NDC80: variants seen among roughly 807,000 people sequenced by gnomAD.
The protein encoded by NDC80 is NDC80 kinetochore complex component.
NDC80 carries 69 observed loss-of-function variants against 89.3 expected under a neutral mutation model. The observed-to-expected ratio is 0.77, with a 90% CI of 0.64 to 0.94. NDC80 has a LOEUF of 0.94. NDC80 is among the 40% of genes least tolerant of loss of function. NDC80 has a pLI of 0.00. For missense variants in NDC80, 593 were observed against 739.6 expected (o/e 0.80, Z 2.30); for synonymous variants, 243 against 255.6 (o/e 0.95, Z 0.47).
chr18:2,585,314 A>G, intron 7 of NDC80, 112 bp downstream of exon 7: 1 of 770,468 alleles, frequency 1.3e-6, no homozygotes, highest in South Asian at 1.9e-5. Context: ...AACCGACTGT[A>G]AGGTGAAAAT....
intron 1 of NDC80, among the ~76,000 whole-genome samples, 170 bp downstream of exon 1, chr18:2,571,853 TC>T (rs1330040151): frequency 5.9e-5 from 9 of 152,036 alleles, no homozygotes; most frequent in African/African-American, 2.2e-4. Context: ...TTTCACGGGA[TC>T]TATTAAATTT....
chr18:2,607,564 A>T (rs1469365999), intron 14 of NDC80, among the ~76,000 whole-genome samples: 1 of 152,162 alleles, frequency 6.6e-6, no homozygotes, highest in East Asian at 1.9e-4. Context: ...AAACTTCACT[A>T]CTGAATTCTA....
At chr18:2,580,533 A>T (rs1326000031) in intron 6 of NDC80, among the ~76,000 whole-genome samples, 1 of 152,084 alleles carries the variant, frequency 6.6e-6, no homozygotes. Context: ...GGCACTGGGT[A>T]TATGGATTTT....
chr18:2,596,749 C>G (rs2072658662), intron 11 of NDC80, among the ~76,000 whole-genome samples: 1 of 151,966 alleles, frequency 6.6e-6, no homozygotes, highest in South Asian at 2.1e-4. Context: ...CGGCACTATT[C>G]ACAATAGCAA....
intron 10 of NDC80, among the ~76,000 whole-genome samples, chr18:2,591,890 G>T (rs1433291754): frequency 6.6e-6 from 1 of 151,788 alleles, no homozygotes; most frequent in Non-Finnish European, 1.5e-5. Flanking sequence ...GAGTAGCTGG[G>T]ATTACAGGTG....
rs2072743736 is a variant in NDC80 at position 2,611,396 on chromosome 18, TATG to T, written c.1791+539_1791+541del. Among the ~76,000 whole-genome samples, 3 of 152,204 alleles carry T rather than the reference TATG, an allele frequency of 2.0e-5. No individual in the cohort carries two copies. In the South Asian group the frequency reaches 6.2e-4, roughly 31 times the overall value. The stretch of plus-strand genomic sequence containing the variant: ...ATCTATTGTATTTGCATAAACAACA[TATG>T]ATGTTATGTATTACACCAACAATGT... On this transcript the variant is annotated intron_variant, in intron 16 of 16. Transcript: ENST00000261597.
In NDC80 at chr18:2,577,836, A is replaced by G. The variant is rs1055879920; in HGVS notation, c.270A>G (p.Ala90=). Residue 90 remains alanine, a synonymous_variant, in exon 4 of 17, where the codon GCA becomes GCG. Coordinates refer to ENST00000261597, the MANE Select transcript of NDC80 (RefSeq NM_006101.3). ...IKDPRPLNDK[A]FIQQCIRQLC... ...ACCCGAGACCACTTAATGACAAAGC[A>G]TTCATTCAGCAGTGTATTCGACAAC... 2 of 1,614,146 alleles carry G rather than the reference A, an allele frequency of 1.2e-6. No individual in the cohort carries two copies. Among genetic ancestry groups the G allele is most frequent in the Non-Finnish European group, 1.7e-6 (2 of 1,179,996 alleles).
chr18:2,587,761 A>G (rs1019018878), intron 7 of NDC80, 69 bp from the exon 8 acceptor site: 99 of 1,220,088 alleles, frequency 8.1e-5, no homozygotes, highest in Non-Finnish European at 1.1e-4. Context: ...ATAAATTTCC[A>G]CCTAGAAAAG....
chr18:2,595,587 A>T lies in NDC80; in HGVS notation c.1187A>T (p.Asn396Ile), dbSNP rs752265982. Residue 396 changes from asparagine (N) to isoleucine (I), a missense_variant, in exon 11 of 17, where the codon AAT becomes ATT. Asn to Ile is a moderately radical substitution (Grantham distance 149). Coordinates refer to ENST00000261597, the MANE Select transcript of NDC80 (RefSeq NM_006101.3). The stretch of plus-strand genomic sequence containing the variant: ...GAAGCTGAACAACAGAAGTTGTGGA[A>T]TGAGGAGTTAAAATATGCCAGAGGC... ...DLEAEQQKLW[N>I]EELKYARGKE... 2.2e-5 allele frequency: 36 copies of T among 1,613,664 alleles called. No individual in the cohort carries two copies. In the South Asian group the frequency reaches 3.8e-4, roughly 17 times the overall value.
rs150123134 is a variant in NDC80, at chr18:2,577,518, G to A, written c.180-228G>A. On this transcript the variant is annotated intron_variant, in intron 3 of 16. Transcript: ENST00000261597. The stretch of plus-strand genomic sequence containing the variant: ...CATGAGCCACTGTGCCTGGCCAAGT[G>A]TGTGTTTATTCTTGCCTCGTTTTAC... Among the ~76,000 whole-genome samples, 410 of 152,278 alleles carry A rather than the reference G, an allele frequency of 2.7e-3. 3 individuals carry two copies. Among genetic ancestry groups the A allele is most frequent in the African/African-American group, 9.3e-3 (386 of 41,568 alleles).
rs1453737151 is a variant in NDC80 at position 2,612,430 on chromosome 18, A to G, written c.1791+1569A>G. Among the ~76,000 whole-genome samples, 4 of 151,806 alleles carry G rather than the reference A, an allele frequency of 2.6e-5. No individual in the cohort carries two copies. In the East Asian group the frequency reaches 5.8e-4, roughly 22 times the overall value. On this transcript the variant is annotated intron_variant, in intron 16 of 16. Transcript: ENST00000261597. ...CAGCCTCCCAAGTAGCTGGGATTAC[A>G]GGCATGTGCCACCATGCCCGGCCAG...
chr18:2,606,285 T>C, intron 13 of NDC80, 130 bp from the exon 14 acceptor site: 1 of 498,000 alleles, frequency 2.0e-6, no homozygotes. Flanking sequence ...AAATGATAAG[T>C]GAGAGTCCAA....
intron 7 of NDC80, among the ~76,000 whole-genome samples, chr18:2,586,159 A>G (rs2644199): frequency 0.15 from 22,206 of 152,290 alleles, 2,156 homozygotes; most frequent in Non-Finnish European, 0.21. Flanking sequence ...GTCACAAAAG[A>G]AAAGTGGAAA....
Position 2,581,239 on chromosome 18 carries a change from G to A in NDC80, c.579+2210G>A, listed in dbSNP as rs532692352. Among the ~76,000 whole-genome samples the A allele has an allele frequency of 7.2e-5, 11 of 151,970 alleles. 1 individual carries two copies. Among genetic ancestry groups the A allele is most frequent in the South Asian group, 2.1e-4 (1 of 4,832 alleles). ...TAAAAACAATTTTACAAATTTTCTCGTAGTATTTTGTATGGCTTCTTTGTG... is the reference window on the plus strand; with the variant it reads ...TAAAAACAATTTTACAAATTTTCTCATAGTATTTTGTATGGCTTCTTTGTG... On this transcript the variant is annotated intron_variant, in intron 6 of 16. Transcript: ENST00000261597.
chr18:2,594,820 G>A (rs1729284087), intron 10 of NDC80: 1 of 152,304 alleles, frequency 6.6e-6, no homozygotes, highest in South Asian at 2.1e-4. Context: ...TTGTATTAGT[G>A]AAATTAGAGA....
chr18:2,590,156 A>G lies in NDC80; in HGVS notation c.1009A>G (p.Arg337Gly), dbSNP rs768710915. ...KLNGLNEEIA[R>G]VELECETIKQ... ...AAATGGTCTCAATGAGGAAATTGCT[A>G]GAGTAGGTAAGCAGAGCTAATGCTA... The change falls in exon 10 of 17, where the codon AGA (arginine) becomes GGA (glycine). Residue 337 changes from arginine (R) to glycine (G), a missense_variant. Coordinates refer to ENST00000261597, the MANE Select transcript of NDC80 (RefSeq NM_006101.3). The G allele has an allele frequency of 3.7e-6, 6 of 1,600,070 alleles. No individual in the cohort carries two copies. Among genetic ancestry groups the G allele is most frequent in the Non-Finnish European group, 4.3e-6 (5 of 1,175,076 alleles).
chr18:2,613,914 G>A (rs148907034), intron 16 of NDC80, among the ~76,000 whole-genome samples: 7 of 152,184 alleles, frequency 4.6e-5, no homozygotes, highest in Admixed American at 2.6e-4. Flanking sequence ...AAGGGGCCCC[G>A]AAAATATGTA....
In NDC80 at chr18:2,589,189, G is replaced by A; in HGVS notation, c.764-15G>A. On this transcript the variant is annotated splice_polypyrimidine_tract_variant and intron_variant, in intron 8 of 16. Coordinates refer to ENST00000261597, the MANE Select transcript of NDC80 (RefSeq NM_006101.3). ...GGATTTGAGGTCTTAAAAAGCTTTT[G>A]GATTTTGTCTCCAGAGGATTTATTT... is the stretch of plus-strand genomic sequence containing the variant. 1 of 1,567,032 alleles carries A rather than the reference G, an allele frequency of 6.4e-7. No homozygotes were observed. The highest frequency in any genetic ancestry group is 8.8e-7 in the Non-Finnish European group (1 of 1,138,848).
intron 11 of NDC80, among the ~76,000 whole-genome samples, chr18:2,596,264 G>A (rs962213402): frequency 9.2e-5 from 14 of 152,032 alleles, no homozygotes; most frequent in South Asian, 2.1e-4. Context: ...GAAAATTTTC[G>A]CAACCTACTC....
Sources: gnomAD v4.1 joint callset for allele counts (sites outside exome capture counted in the v4.1 genomes callset) on GRCh38, gnomAD v4.1.1 for gene constraint, MANE v1.5 for transcripts, NCBI Gene and HGNC (gene_info 2026-07-23, HGNC 2026-07-21) for gene names.